FHIT: variants seen among roughly 807,000 people sequenced by gnomAD.
FHIT encodes bis(5'-adenosyl)-triphosphatase.
Under a neutral mutation model 17.9 loss-of-function variants are expected in FHIT, and 19 were observed. The ratio of observed to expected loss-of-function variants is 1.06; its 90% confidence interval spans 0.74 to 1.56. FHIT has a LOEUF of 1.56. FHIT is among the 40% of genes most tolerant of loss of function. FHIT has a pLI of 0.00. For missense variants in FHIT, 248 were observed against 189.2 expected (o/e 1.31, Z -1.82); for synonymous variants, 81 against 69.7 (o/e 1.16, Z -0.81).
chr3:60,102,465 A>G (rs2107145252), intron 5 of FHIT, among the ~76,000 whole-genome samples: 1 of 152,328 alleles, frequency 6.6e-6, no homozygotes, highest in South Asian at 2.1e-4. Flanking sequence ...GGAAACATTT[A>G]GTCCAGAATG....
chr3:60,587,320 G>A (rs1207659787), intron 4 of FHIT, among the ~76,000 whole-genome samples: 2 of 152,002 alleles, frequency 1.3e-5, no homozygotes, highest in Non-Finnish European at 2.9e-5. Context: ...ATGAACACTG[G>A]GAGGGGAACA....
At chr3:60,754,467 C>G (rs190361508) in intron 4 of FHIT, among the ~76,000 whole-genome samples, 65 of 152,278 alleles carry the variant, frequency 4.3e-4, no homozygotes, top group Non-Finnish European at 6.5e-4. Flanking sequence ...CTCATCATCT[C>G]TTACTCTTTT....
chr3:60,732,553 C>T (rs1397026612), intron 4 of FHIT: 5 of 640,740 alleles, frequency 7.8e-6, no homozygotes, highest in South Asian at 4.1e-5. Flanking sequence ...TCTTTGGAAC[C>T]TCGTCTGCAA....
intron 5 of FHIT, among the ~76,000 whole-genome samples, chr3:60,488,455 A>T (rs2107494187): frequency 6.6e-6 from 1 of 152,290 alleles, no homozygotes; most frequent in South Asian, 2.1e-4. Flanking sequence ...CTGTAGGACT[A>T]TTCAGAAGTC....
chr3:59,926,361 T>C (rs376848548), intron 7 of FHIT, among the ~76,000 whole-genome samples: 1 of 152,206 alleles, frequency 6.6e-6, no homozygotes, highest in South Asian at 2.1e-4. Flanking sequence ...GAGCCAGGGA[T>C]ACGGTAATGG....
chr3:60,595,965 AT>A (rs1553666300), intron 4 of FHIT, among the ~76,000 whole-genome samples: 1 of 152,010 alleles, frequency 6.6e-6, no homozygotes, highest in Non-Finnish European at 1.5e-5. Flanking sequence ...TATAGTTAAC[AT>A]CCAAATCCCA....
intron 5 of FHIT, among the ~76,000 whole-genome samples, chr3:60,091,628 G>C (rs569129636): frequency 1.6e-4 from 24 of 152,264 alleles, no homozygotes; most frequent in Non-Finnish European, 1.6e-4. Context: ...AGTGGGGCAC[G>C]GTGAGAGGTG....
rs1479899838 is a variant in FHIT, at chr3:60,314,539, G to T, written c.103+222321C>A. ...CAGAAACTATGATTTCAAATGGAGG[G>T]TTTCTTTTGTTGTTTGTTTTTCAGA... On this transcript the variant is annotated intron_variant, in intron 5 of 9. Coordinates refer to ENST00000492590, the MANE Select transcript of FHIT (RefSeq NM_002012.4). Among the ~76,000 whole-genome samples, 5 of 152,120 alleles carry T rather than the reference G, an allele frequency of 3.3e-5. No individual in the cohort carries two copies. The East Asian group carries it at 9.6e-4, about 29-fold the overall frequency.
At chr3:60,626,351 C>T (rs1454435528) in intron 4 of FHIT, among the ~76,000 whole-genome samples, 1 of 152,162 alleles carries the variant, frequency 6.6e-6, no homozygotes, top group Non-Finnish European at 1.5e-5. Flanking sequence ...AATCCCCAAA[C>T]ATAAAAAGTC....
intron 4 of FHIT, among the ~76,000 whole-genome samples, chr3:60,744,803 T>A (rs2042323962): frequency 6.6e-6 from 1 of 152,214 alleles, no homozygotes; most frequent in Non-Finnish European, 1.5e-5. Context: ...AATGACAAGG[T>A]AAGGCCCATC....
chr3:61,188,287 G>C (rs1462691791), intron 2 of FHIT, among the ~76,000 whole-genome samples: 2 of 152,178 alleles, frequency 1.3e-5, no homozygotes, highest in African/African-American at 4.8e-5. Flanking sequence ...ACTACCATCA[G>C]AGAATACTAT....
rs1700087049 is a variant in FHIT, at chr3:59,803,651, C to G, written c.349-51330G>C. Among the ~76,000 whole-genome samples the G allele has an allele frequency of 2.6e-5, 4 of 152,284 alleles. No homozygotes were observed. In the South Asian group the frequency reaches 8.3e-4, roughly 32 times the overall value. On this transcript the variant is annotated intron_variant, in intron 8 of 9. Coordinates refer to ENST00000492590, the MANE Select transcript of FHIT (RefSeq NM_002012.4). Reference sequence around the variant, plus strand: ...GGAGATTCTGCTAAGTAAAGAAGTTCTGGACCTTTTCAAGCTATTAAAGGT... The same window carrying G: ...GGAGATTCTGCTAAGTAAAGAAGTTGTGGACCTTTTCAAGCTATTAAAGGT...
At chr3:60,474,950 A>C (rs2033271773) in intron 5 of FHIT, among the ~76,000 whole-genome samples, 1 of 152,186 alleles carries the variant, frequency 6.6e-6, no homozygotes, top group Non-Finnish European at 1.5e-5. Context: ...ATTTTTAAAT[A>C]GTACTACTTA....
At chr3:60,655,670 C>T (rs2040098575) in intron 4 of FHIT, among the ~76,000 whole-genome samples, 1 of 152,074 alleles carries the variant, frequency 6.6e-6, no homozygotes, top group African/African-American at 2.4e-5. Flanking sequence ...TCTGTATTCT[C>T]CTCGAACTCC....
At chr3:60,667,883 C>A (rs1553692862) in intron 4 of FHIT, among the ~76,000 whole-genome samples, 1 of 151,988 alleles carries the variant, frequency 6.6e-6, no homozygotes, top group East Asian at 1.9e-4. Context: ...CAAGAGGCCA[C>A]TGGTTCCTGC....
chr3:59,945,561 T>C (rs1183657738), intron 7 of FHIT, among the ~76,000 whole-genome samples: 3 of 151,592 alleles, frequency 2.0e-5, no homozygotes, highest in Non-Finnish European at 2.9e-5. Flanking sequence ...TTGGTCACAA[T>C]TGCTTTTGGC....
At chr3:59,958,674 T>C (rs535824133) in intron 7 of FHIT, among the ~76,000 whole-genome samples, 2 of 152,304 alleles carry the variant, frequency 1.3e-5, no homozygotes, top group African/African-American at 4.8e-5. Context: ...ATAATGATGT[T>C]GGCTAGGGTT....
chr3:61,237,996 T>C (rs2040274926), intron 1 of FHIT, among the ~76,000 whole-genome samples: 3 of 152,196 alleles, frequency 2.0e-5, no homozygotes, highest in Admixed American at 1.3e-4. Context: ...CAACCCAGAC[T>C]TTCAGATCTT....
At chr3:60,104,449 A>T (rs1036267280) in intron 5 of FHIT, among the ~76,000 whole-genome samples, 3 of 151,496 alleles carry the variant, frequency 2.0e-5, no homozygotes, top group African/African-American at 7.3e-5. Flanking sequence ...TTGAACACAC[A>T]ATGTAAAAGT....
Sources: gnomAD v4.1 joint callset for allele counts (sites outside exome capture counted in the v4.1 genomes callset) on GRCh38, gnomAD v4.1.1 for gene constraint, MANE v1.5 for transcripts, NCBI Gene and HGNC (gene_info 2026-07-23, HGNC 2026-07-21) for gene names.